Variants in SNAP25 observed in about 807,000 individuals in gnomAD.
SNAP25 encodes the protein synaptosome associated protein 25, also known as synaptosomal-associated protein 25.
In SNAP25, 3 loss-of-function variants were observed where a neutral mutation model predicts 28.7. That is an observed-to-expected ratio of 0.10 (90% CI 0.05 to 0.27). The LOEUF (loss-of-function observed/expected upper bound fraction) is 0.27, where lower values mean the gene tolerates loss of function less well. SNAP25 is among the 10% of genes least tolerant of loss of function. The pLI is 1.00. For synonymous variants in SNAP25, 61 were observed against 88.1 expected, an observed-to-expected ratio of 0.69 and a Z score of 1.72; for missense variants, 117 against 278.7, an observed-to-expected ratio of 0.42 and a Z score of 4.13.
At chr20:10,244,916 A>G (rs2063100671) in intron 1 of SNAP25, among the ~76,000 whole-genome samples, 1 of 151,946 alleles carries the variant, frequency 6.6e-6, no homozygotes, top group African/African-American at 2.4e-5. Context: ...TTTTTAGTAG[A>G]GACGGGGTTT....
At chr20:10,250,371 C>G (rs2063204195) in intron 1 of SNAP25, among the ~76,000 whole-genome samples, 1 of 152,168 alleles carries the variant, frequency 6.6e-6, no homozygotes, top group Non-Finnish European at 1.5e-5. Context: ...TAATCACCTT[C>G]CATCTGCTTA....
At chr20:10,262,761 C>G (rs375206991) in intron 1 of SNAP25, among the ~76,000 whole-genome samples, 140 of 152,212 alleles carry the variant, frequency 9.2e-4, no homozygotes, top group African/African-American at 3.2e-3. Context: ...GCCAAGGAGC[C>G]CTTGCCAGCA....
intron 1 of SNAP25, among the ~76,000 whole-genome samples, chr20:10,244,103 T>C (rs1339432253): frequency 2.0e-5 from 3 of 152,202 alleles, no homozygotes; most frequent in African/African-American, 7.2e-5. Context: ...CAAATATCTG[T>C]TTCTAGGAGT....
intron 2 of SNAP25, among the ~76,000 whole-genome samples, chr20:10,276,798 A>G (rs2063699581): frequency 6.6e-6 from 1 of 152,194 alleles, no homozygotes; most frequent in South Asian, 2.1e-4. Flanking sequence ...TTCATCCTTT[A>G]TATCAGTAAA....
At chr20:10,279,903 G>A (rs545030136) in intron 3 of SNAP25, among the ~76,000 whole-genome samples, 2 of 152,260 alleles carry the variant, frequency 1.3e-5, no homozygotes, top group African/African-American at 2.4e-5. Flanking sequence ...TCTATTTATG[G>A]TCAAACATCC....
intron 1 of SNAP25, among the ~76,000 whole-genome samples, chr20:10,254,059 C>T (rs778354183): frequency 1.8e-4 from 27 of 152,314 alleles, no homozygotes; most frequent in Admixed American, 2.6e-4. Flanking sequence ...GATTTATCCC[C>T]GGAGGGTTCC....
chr20:10,303,152 C>T (rs1039505936), intron 7 of SNAP25, among the ~76,000 whole-genome samples: 4 of 152,178 alleles, frequency 2.6e-5, no homozygotes, highest in African/African-American at 9.7e-5. Flanking sequence ...TTTCACATTG[C>T]TCTGATCCTG....
chr20:10,277,747 A>G, intron 3 of SNAP25, 21 bp downstream of exon 3: 1 of 1,610,202 alleles, frequency 6.2e-7, no homozygotes, highest in Non-Finnish European at 8.5e-7. Context: ...ACAGTATTTT[A>G]AGATAAAGGA....
chr20:10,275,077 A>ATAAAT (rs1262880665), intron 1 of SNAP25, among the ~76,000 whole-genome samples: 1 of 114,632 alleles, frequency 8.7e-6, no homozygotes, highest in Non-Finnish European at 2.0e-5. Context: ...ATTTAAATAA[A>ATAAAT]TAAATAAATA....
intron 7 of SNAP25, 27 bp downstream of exon 7, chr20:10,299,439 C>G: frequency 6.2e-7 from 1 of 1,604,190 alleles, no homozygotes; most frequent in Non-Finnish European, 8.5e-7. Context: ...CAGCAAGTCC[C>G]TACTGCGAGT....
chr20:10,221,428 A>C lies in SNAP25; in HGVS notation c.-64+2451A>C, dbSNP rs60988945. 5.0e-3 allele frequency among the ~76,000 whole-genome samples: 756 copies of C among 152,312 alleles called. 4 individuals carry two copies. The highest frequency in any genetic ancestry group is 0.018 in the African/African-American group (738 of 41,562). On this transcript the variant is annotated intron_variant, in intron 1 of 7. Transcript: ENST00000254976. ...ATCATTGACAAGCTTCCAGGGAAAA[A>C]AAATCGAGAAATTTCCCATTTTAAG...
chr20:10,303,761 G>A (rs1376139166), intron 7 of SNAP25, among the ~76,000 whole-genome samples: 1 of 152,124 alleles, frequency 6.6e-6, no homozygotes, highest in East Asian at 1.9e-4. Flanking sequence ...GTGGTGATGG[G>A]AATCATTCAT....
At chr20:10,248,978 G>T (rs555112725) in intron 1 of SNAP25, among the ~76,000 whole-genome samples, 1 of 152,238 alleles carries the variant, frequency 6.6e-6, no homozygotes, top group African/African-American at 2.4e-5. Flanking sequence ...TGTTAATTCC[G>T]CTTCACAGAT....
intron 1 of SNAP25, among the ~76,000 whole-genome samples, chr20:10,274,037 C>T (rs996672704): frequency 5.9e-5 from 9 of 152,070 alleles, no homozygotes; most frequent in Middle Eastern, 3.2e-3. Flanking sequence ...CCCAATTAGA[C>T]TGAATTCTGT....
chr20:10,289,483 G>C (rs983258202), intron 4 of SNAP25, among the ~76,000 whole-genome samples: 2 of 151,858 alleles, frequency 1.3e-5, no homozygotes, highest in African/African-American at 4.8e-5. Context: ...TGTCCGGAGA[G>C]TCAGCTATCT....
chr20:10,262,242 A>G (rs1568598408), intron 1 of SNAP25, among the ~76,000 whole-genome samples: 1 of 152,226 alleles, frequency 6.6e-6, no homozygotes, highest in East Asian at 1.9e-4. Flanking sequence ...AACATTCTCA[A>G]CTAGCATAGA....
intron 4 of SNAP25, among the ~76,000 whole-genome samples, chr20:10,288,803 T>C (rs1024440805): frequency 1.3e-5 from 2 of 151,656 alleles, no homozygotes; most frequent in Non-Finnish European, 2.9e-5. Flanking sequence ...TCATTTATAG[T>C]ATAATAGGAA....
At chr20:10,287,320 C>T (rs1234284614) in intron 4 of SNAP25, among the ~76,000 whole-genome samples, 2 of 152,004 alleles carry the variant, frequency 1.3e-5, no homozygotes, top group African/African-American at 4.8e-5. Context: ...AAGAAAAAAA[C>T]AAATAACCCC....
In SNAP25 at chr20:10,277,879, A is replaced by G. The variant is rs68021611; in HGVS notation, c.114+153A>G. ...AGGCACAGAATGAGGGAGATGCTGT[A>G]TTTAAGTTGCCAGATAGCCATGAAG... On this transcript the variant is annotated intron_variant, in intron 3 of 7. Transcript: ENST00000254976. 58,913 of 675,014 alleles carry G rather than the reference A, an allele frequency of 0.087. 3,749 individuals are homozygous for G. The highest frequency in any genetic ancestry group is 0.22 in the East Asian group (7,813 of 34,928). 41.8% of individuals were successfully genotyped at this position (675,014 alleles called of 1,614,324 possible).
Sources: gnomAD v4.1 joint callset for allele counts (sites outside exome capture counted in the v4.1 genomes callset) on GRCh38, gnomAD v4.1.1 for gene constraint, MANE v1.5 for transcripts, NCBI Gene and HGNC (gene_info 2026-07-23, HGNC 2026-07-21) for gene names.